Variants in SORCS1 observed in about 807,000 individuals in gnomAD.
The protein encoded by SORCS1 is VPS10 domain-containing receptor SorCS1.
Under a neutral mutation model 146.1 loss-of-function variants are expected in SORCS1, and 60 were observed. That is an observed-to-expected ratio of 0.41 (90% CI 0.33 to 0.51). The LOEUF is 0.51. Ranked by LOEUF, SORCS1 falls within the 20% of genes least tolerant of loss-of-function variation. The pLI is 0.21. For synonymous variants in SORCS1, 637 were observed against 584.0 expected (o/e 1.09, Z -1.31); for missense variants, 1,352 against 1,487.6 (o/e 0.91, Z 1.50).
rs1954242459 is a variant in SORCS1 at position 106,944,874 on chromosome 10, C to CTTTTTTTTGTTTTTT, written c.626+11638_626+11639insAAAAAACAAAAAAAA. 5.5e-5 allele frequency among the ~76,000 whole-genome samples: 2 copies of CTTTTTTTTGTTTTTT among 36,576 alleles called. 1 individual carries two copies. Among genetic ancestry groups the CTTTTTTTTGTTTTTT allele is most frequent in the Non-Finnish European group, 1.0e-4 (2 of 20,064 alleles). The allele number at this position is 36,576 out of a possible 152,430, so 24.0% of individuals were successfully genotyped here. On this transcript the variant is annotated intron_variant, in intron 2 of 25. Coordinates refer to ENST00000263054, the MANE Select transcript of SORCS1 (RefSeq NM_052918.5). Reference sequence around the variant, plus strand: ...GTAGAAAGAAGCAAGAAAGAGCCTTCTTTTTTTTTTTTTTTTTTTTTTTTT... The same window carrying CTTTTTTTTGTTTTTT: ...GTAGAAAGAAGCAAGAAAGAGCCTTCTTTTTTTTGTTTTTTTTTTTTTTTTTTTTTTTTTTTTTTT...
In SORCS1 at chr10:106,947,242, G is replaced by A. The variant is rs180684744; in HGVS notation, c.626+9271C>T. Among the ~76,000 whole-genome samples the A allele has an allele frequency of 3.3e-3, 495 of 152,248 alleles. 7 individuals carry two copies. The highest frequency in any genetic ancestry group is 0.011 in the African/African-American group (475 of 41,546). On this transcript the variant is annotated intron_variant, in intron 2 of 25. Coordinates refer to ENST00000263054, the MANE Select transcript of SORCS1 (RefSeq NM_052918.5). ...TGCAACCTTCTTGGAATGTAATCTCGAGTATCATTTACAATACAAATGCAT... is the reference window on the plus strand; with the variant it reads ...TGCAACCTTCTTGGAATGTAATCTCAAGTATCATTTACAATACAAATGCAT...
chr10:106,781,349 T>A (rs1050561564), intron 3 of SORCS1, among the ~76,000 whole-genome samples: 1 of 152,188 alleles, frequency 6.6e-6, no homozygotes, highest in African/African-American at 2.4e-5. Flanking sequence ...GTTCATTATT[T>A]GTTGGCTCAT....
chr10:106,981,675 C>T (rs186688544), intron 1 of SORCS1, among the ~76,000 whole-genome samples: 1 of 151,912 alleles, frequency 6.6e-6, no homozygotes, highest in East Asian at 1.9e-4. Flanking sequence ...TTTTTTTTCT[C>T]GTCTCCAACA....
rs905669438 is a variant in SORCS1, at chr10:107,021,707, T to C, written c.559-65127A>G. On this transcript the variant is annotated intron_variant, in intron 1 of 25. Coordinates refer to ENST00000263054, the MANE Select transcript of SORCS1 (RefSeq NM_052918.5). ...CTAATTCTATCATTTCAAACTGTTA[T>C]AGGCAATTGATAAAGTATCTTCCCT... Among the ~76,000 whole-genome samples the C allele has an allele frequency of 2.6e-5, 4 of 152,180 alleles. No homozygotes were observed. In the East Asian group the frequency reaches 5.8e-4, roughly 22 times the overall value.
At chr10:106,580,548 G>A (rs137877915) in intron 24 of SORCS1, among the ~76,000 whole-genome samples, 64 of 152,330 alleles carry the variant, frequency 4.2e-4, no homozygotes, top group African/African-American at 1.4e-3. Context: ...CTCCAGGGAA[G>A]CCTTGGTGCT....
chr10:107,050,599 G>A (rs1391419780), intron 1 of SORCS1, among the ~76,000 whole-genome samples: 1 of 152,148 alleles, frequency 6.6e-6, no homozygotes, highest in Non-Finnish European at 1.5e-5. Flanking sequence ...CCTCAAAACT[G>A]AATTCTGTAT....
At chr10:106,980,997 A>C (rs1299224668) in intron 1 of SORCS1, among the ~76,000 whole-genome samples, 1 of 152,140 alleles carries the variant, frequency 6.6e-6, no homozygotes, top group African/African-American at 2.4e-5. Flanking sequence ...TGAGGAAAAA[A>C]AAAAACAACT....
At chr10:107,078,217 A>G (rs1963043924) in intron 1 of SORCS1, among the ~76,000 whole-genome samples, 2 of 152,184 alleles carry the variant, frequency 1.3e-5, no homozygotes, top group Non-Finnish European at 2.9e-5. Flanking sequence ...GTAATTTTAA[A>G]TGTTCTAAGA....
chr10:106,814,382 C>G (rs1947626923), intron 3 of SORCS1, among the ~76,000 whole-genome samples: 1 of 152,122 alleles, frequency 6.6e-6, no homozygotes, highest in Non-Finnish European at 1.5e-5. Flanking sequence ...ACCTTCCAGA[C>G]AAGAAAACTG....
intron 6 of SORCS1, among the ~76,000 whole-genome samples, chr10:106,711,995 G>A (rs1385675137): frequency 1.3e-5 from 2 of 152,174 alleles, no homozygotes; most frequent in Non-Finnish European, 2.9e-5. Context: ...TTTATTAGCT[G>A]TGTAGTTCAT....
intron 3 of SORCS1, among the ~76,000 whole-genome samples, chr10:106,781,544 C>T (rs546132771): frequency 1.3e-5 from 2 of 152,270 alleles, no homozygotes; most frequent in African/African-American, 4.8e-5. Context: ...AGCAATTAGG[C>T]ACTCCAGTTA....
intron 1 of SORCS1, among the ~76,000 whole-genome samples, chr10:107,079,732 AG>A (rs2134232001): frequency 6.6e-6 from 1 of 152,314 alleles, no homozygotes; most frequent in East Asian, 1.9e-4. Flanking sequence ...CAATCTGACT[AG>A]AACCCTAGAA....
chr10:107,090,028 T>C (rs1358781458), intron 1 of SORCS1, among the ~76,000 whole-genome samples: 1 of 152,200 alleles, frequency 6.6e-6, no homozygotes, highest in African/African-American at 2.4e-5. Flanking sequence ...TATTTCACTT[T>C]GCAACTCACC....
At chr10:107,096,910 T>C (rs1040183939) in intron 1 of SORCS1, among the ~76,000 whole-genome samples, 2 of 152,310 alleles carry the variant, frequency 1.3e-5, no homozygotes, top group Admixed American at 6.5e-5. Context: ...CTAGTTTTCA[T>C]GTAGATTGCC....
At chr10:106,981,911 C>A (rs569585710) in intron 1 of SORCS1, among the ~76,000 whole-genome samples, 4 of 152,150 alleles carry the variant, frequency 2.6e-5, no homozygotes, top group Non-Finnish European at 2.9e-5. Flanking sequence ...GAGAAGCCCA[C>A]GAAATAGTGC....
intron 2 of SORCS1, among the ~76,000 whole-genome samples, chr10:106,925,867 G>A (rs10884379): frequency 0.52 from 79,517 of 151,988 alleles, 22,398 homozygotes; most frequent in Non-Finnish European, 0.63. Context: ...ACTTGGTAAG[G>A]GGCTGCAATG....
chr10:106,984,975 G>A (rs2139393550), intron 1 of SORCS1, among the ~76,000 whole-genome samples: 1 of 152,086 alleles, frequency 6.6e-6, no homozygotes, highest in South Asian at 2.1e-4. Context: ...ATCACCTGAG[G>A]TCAGAAGTTC....
chr10:106,614,967 A>G lies in SORCS1; in HGVS notation c.2921-2944T>C, dbSNP rs576467501. On this transcript the variant is annotated intron_variant, in intron 21 of 25. Transcript: ENST00000263054. ...ATGCAAACTAGATTTTCTTTCTTTT[A>G]ATTGATTGTGTGGCTTTGAGTAGAC... Among the ~76,000 whole-genome samples the G allele has an allele frequency of 1.2e-3, 177 of 152,304 alleles. 1 individual carries two copies. The highest frequency in any genetic ancestry group is 4.0e-3 in the African/African-American group (167 of 41,568).
chr10:107,042,149 C>A (rs1959171060), intron 1 of SORCS1, among the ~76,000 whole-genome samples: 1 of 152,156 alleles, frequency 6.6e-6, no homozygotes, highest in African/African-American at 2.4e-5. Context: ...AAGGTGATGA[C>A]AAATCAGACA....
Sources: allele counts gnomAD v4.1 joint callset (sites outside exome capture counted in the v4.1 genomes callset), GRCh38; gene constraint gnomAD v4.1.1; transcripts MANE v1.5; gene names NCBI Gene and HGNC (gene_info 2026-07-23, HGNC 2026-07-21).